Variants in BTRC observed in about 807,000 individuals in gnomAD.
The protein encoded by BTRC is F-box/WD repeat-containing protein 1A.
BTRC carries 42 observed loss-of-function variants against 85.5 expected under a neutral mutation model. The observed-to-expected ratio is 0.49, with a 90% confidence interval of 0.38 to 0.64. The LOEUF (loss-of-function observed/expected upper bound fraction) is 0.64, where lower values mean the gene tolerates loss of function less well. Among genes scored for constraint, BTRC ranks in the 30% least tolerant of loss-of-function variants. The pLI, the probability that BTRC is intolerant of heterozygous loss-of-function variation, is 0.00. For missense variants in BTRC, 594 were observed against 743.5 expected (o/e 0.80, Z 2.34); for synonymous variants, 255 against 263.3 (o/e 0.97, Z 0.30).
intron 3 of BTRC, among the ~76,000 whole-genome samples, chr10:101,470,174 T>A (rs527627451): frequency 6.6e-6 from 1 of 152,302 alleles, no homozygotes; most frequent in Non-Finnish European, 1.5e-5. Flanking sequence ...TATTATTGAG[T>A]TGTAGACTCA....
chr10:101,551,547 A>T (rs2062649551), intron 14 of BTRC, among the ~76,000 whole-genome samples: 1 of 152,224 alleles, frequency 6.6e-6, no homozygotes, highest in Non-Finnish European at 1.5e-5. Context: ...TATTCAGATC[A>T]TACCTGCTGT....
chr10:101,541,750 T>A (rs2062472263), intron 13 of BTRC, among the ~76,000 whole-genome samples: 1 of 152,222 alleles, frequency 6.6e-6, no homozygotes, highest in African/African-American at 2.4e-5. Flanking sequence ...TTTTTAGCTT[T>A]AAATCCTTTG....
chr10:101,436,662 A>ATAGG (rs1365089646), intron 2 of BTRC, among the ~76,000 whole-genome samples: 1 of 143,582 alleles, frequency 7.0e-6, no homozygotes, highest in Non-Finnish European at 1.6e-5. Flanking sequence ...AGATAGATAG[A>ATAGG]TAGATAGATT....
intron 2 of BTRC, among the ~76,000 whole-genome samples, chr10:101,456,402 GA>G (rs777459910): frequency 2.6e-5 from 4 of 151,384 alleles, no homozygotes; most frequent in Admixed American, 1.3e-4. Context: ...TATGTTCAAA[GA>G]AAAAAAAGGA....
At chr10:101,441,571 G>A (rs1944678350) in intron 2 of BTRC, among the ~76,000 whole-genome samples, 1 of 152,102 alleles carries the variant, frequency 6.6e-6, no homozygotes, top group African/African-American at 2.4e-5. Context: ...CTTTTACTTT[G>A]TTGGTTCTAC....
chr10:101,547,834 G>A (rs1397798743), intron 13 of BTRC, among the ~76,000 whole-genome samples: 4 of 152,142 alleles, frequency 2.6e-5, no homozygotes, highest in African/African-American at 9.7e-5. Flanking sequence ...TGCCAGGTAT[G>A]CAAGGCTGGT....
chr10:101,493,095 T>C (rs1946174739), intron 4 of BTRC, among the ~76,000 whole-genome samples: 1 of 152,198 alleles, frequency 6.6e-6, no homozygotes, highest in South Asian at 2.1e-4. Context: ...AGAAAATGTG[T>C]AGTAAAGGTT....
chr10:101,538,496 T>C (rs535461399), intron 13 of BTRC, 125 bp downstream of exon 13: 10 of 797,594 alleles, frequency 1.3e-5, no homozygotes, highest in Non-Finnish European at 2.1e-5. Flanking sequence ...AACTAAGTGG[T>C]AAGGCAACCA....
chr10:101,458,712 G>A (rs1042699279), intron 2 of BTRC, among the ~76,000 whole-genome samples: 1 of 151,978 alleles, frequency 6.6e-6, no homozygotes, highest in African/African-American at 2.4e-5. Flanking sequence ...ACTCATTTTT[G>A]GGTTAGCCTG....
chr10:101,444,992 C>T (rs887102575), intron 2 of BTRC, among the ~76,000 whole-genome samples: 2 of 152,150 alleles, frequency 1.3e-5, no homozygotes, highest in African/African-American at 4.8e-5. Context: ...AGATATTACA[C>T]AATGAATGGG....
At chr10:101,498,924 C>T (rs1218730542) in intron 4 of BTRC, among the ~76,000 whole-genome samples, 1 of 151,650 alleles carries the variant, frequency 6.6e-6, no homozygotes, top group East Asian at 1.9e-4. Context: ...ACCCAGGAGG[C>T]GGAGGTTGCA....
chr10:101,421,196 G>A (rs1174936439), intron 1 of BTRC, among the ~76,000 whole-genome samples: 1 of 151,884 alleles, frequency 6.6e-6, no homozygotes, highest in Non-Finnish European at 1.5e-5. Flanking sequence ...TTCTTTTGAT[G>A]TACGTTATCT....
In BTRC at chr10:101,389,566, A is replaced by C. The variant is rs1304879220; in HGVS notation, c.48+35338A>C. ...TTGACCCTGTTAGGTCATTACTCCC[A>C]GTCTTCAGTTACAGTCAAGTTACAC... On this transcript the variant is annotated intron_variant, in intron 1 of 14. Transcript: ENST00000370187. Among the ~76,000 whole-genome samples the C allele has an allele frequency of 2.8e-5, 4 of 145,218 alleles. No individual in the cohort carries two copies. The East Asian group carries it at 8.4e-4, about 30-fold the overall frequency.
At chr10:101,528,534 C>A (rs1166871316) in intron 6 of BTRC, among the ~76,000 whole-genome samples, 1 of 152,136 alleles carries the variant, frequency 6.6e-6, no homozygotes, top group Non-Finnish European at 1.5e-5. Context: ...CTGACTATAT[C>A]CCCTTGTCTT....
intron 1 of BTRC, among the ~76,000 whole-genome samples, chr10:101,366,985 T>TA (rs1942458604): frequency 1.5e-5 from 1 of 65,892 alleles, no homozygotes; most frequent in Non-Finnish European, 2.9e-5. Flanking sequence ...TTTATATATT[T>TA]ATATATATTA....
intron 1 of BTRC, among the ~76,000 whole-genome samples, chr10:101,388,756 G>A (rs1021145358): frequency 6.6e-6 from 1 of 152,230 alleles, no homozygotes; most frequent in Non-Finnish European, 1.5e-5. Context: ...CTCTCAAAGT[G>A]CTGGGATTAC....
intron 1 of BTRC, among the ~76,000 whole-genome samples, chr10:101,412,457 T>C (rs1460906643): frequency 6.6e-6 from 1 of 152,250 alleles, no homozygotes; most frequent in Non-Finnish European, 1.5e-5. Context: ...TCTTGAAATA[T>C]ATGTTTCACA....
At position 101,532,784 on chromosome 10, in the gene BTRC, G is replaced by GTGTGTGTGTGTA. The variant is rs373538962; in HGVS notation, c.979-162_979-161insTGTGTATGTGTG. 1.5e-3 allele frequency among the ~76,000 whole-genome samples: 215 copies of GTGTGTGTGTGTA among 145,862 alleles called. 3 individuals are homozygous for GTGTGTGTGTGTA. Among genetic ancestry groups the GTGTGTGTGTGTA allele is most frequent in the East Asian group, 4.7e-3 (23 of 4,896 alleles). On this transcript the variant is annotated intron_variant, in intron 8 of 14. Coordinates refer to ENST00000370187, the MANE Select transcript of BTRC (RefSeq NM_033637.4). Reference sequence around the variant, plus strand: ...TGTGTGTGTGTGTGTGTGTGTGTGTGTGTGTGCGCGTGTGCGCGCGCGCGC... The same window carrying GTGTGTGTGTGTA: ...TGTGTGTGTGTGTGTGTGTGTGTGTGTGTGTGTGTGTATGTGTGCGCGTGTGCGCGCGCGCGC...
At chr10:101,438,252 C>T (rs935763214) in intron 2 of BTRC, among the ~76,000 whole-genome samples, 44 of 151,646 alleles carry the variant, frequency 2.9e-4, no homozygotes, top group African/African-American at 8.7e-4. Context: ...CGGTGAAACC[C>T]CGTCTTTACT....
Sources: allele counts gnomAD v4.1 joint callset (sites outside exome capture counted in the v4.1 genomes callset), GRCh38; gene constraint gnomAD v4.1.1; transcripts MANE v1.5; gene names NCBI Gene and HGNC (gene_info 2026-07-23, HGNC 2026-07-21).